FAM53B: variants seen among roughly 807,000 people sequenced by gnomAD.
The protein encoded by FAM53B is protein FAM53B.
A neutral mutation model predicts 32.7 loss-of-function variants in FAM53B; 12 were observed. That is an observed-to-expected ratio of 0.37 (90% confidence interval 0.24 to 0.59). The LOEUF (loss-of-function observed/expected upper bound fraction) is 0.59, where lower values mean the gene tolerates loss of function less well. FAM53B is among the 20% of genes least tolerant of loss of function. The probability of loss-of-function intolerance (pLI) is 0.72; values close to 1 mark genes in which losing one functional copy is unlikely to be tolerated. For missense variants in FAM53B, 477 were observed against 577.7 expected (o/e 0.83, Z 1.79); for synonymous variants, 234 against 228.7 (o/e 1.02, Z -0.21).
At chr10:124,725,926 A>G (rs546235226) in intron 1 of FAM53B, among the ~76,000 whole-genome samples, 3 of 152,262 alleles carry the variant, frequency 2.0e-5, no homozygotes, top group East Asian at 3.9e-4. Context: ...AGGCCAACCC[A>G]CATCCTTGCT....
chr10:124,734,712 A>G (rs2134103881), intron 1 of FAM53B, among the ~76,000 whole-genome samples: 1 of 152,306 alleles, frequency 6.6e-6, no homozygotes, highest in Admixed American at 6.5e-5. Flanking sequence ...TTCACACTCC[A>G]TACAAAGGGG....
chr10:124,623,809 GA>G, intron 4 of FAM53B: 2 of 558,884 alleles, frequency 3.6e-6, no homozygotes, highest in South Asian at 4.7e-5. Flanking sequence ...TGCTCATAAA[GA>G]CACGCGCAAT....
intron 1 of FAM53B, among the ~76,000 whole-genome samples, chr10:124,727,771 G>A (rs1466595265): frequency 1.3e-5 from 2 of 152,080 alleles, no homozygotes; most frequent in Non-Finnish European, 2.9e-5. Context: ...CAGAGAACAT[G>A]CCTGGCCCAC....
intron 4 of FAM53B, among the ~76,000 whole-genome samples, chr10:124,665,517 T>C (rs1949664264): frequency 6.6e-6 from 1 of 152,250 alleles, no homozygotes; most frequent in Non-Finnish European, 1.5e-5. Context: ...ACTCAAAACG[T>C]GCCCCTCGCT....
intron 4 of FAM53B, among the ~76,000 whole-genome samples, chr10:124,657,729 T>C (rs542133710): frequency 2.0e-5 from 3 of 152,382 alleles, no homozygotes; most frequent in East Asian, 1.9e-4. Flanking sequence ...TTACCATGAA[T>C]TGAGCATTTG....
At chr10:124,705,418 C>A (rs1026897324) in intron 2 of FAM53B, among the ~76,000 whole-genome samples, 1 of 152,246 alleles carries the variant, frequency 6.6e-6, no homozygotes, top group African/African-American at 2.4e-5. Context: ...TTCTTCTCAC[C>A]CTTCAAGGCC....
At chr10:124,738,296 G>C (rs112258999) in intron 1 of FAM53B, among the ~76,000 whole-genome samples, 1 of 152,044 alleles carries the variant, frequency 6.6e-6, no homozygotes, top group South Asian at 2.1e-4. Flanking sequence ...TACCAATGCT[G>C]GGTTGCTGCC....
chr10:124,696,833 T>G (rs1427022830), intron 2 of FAM53B, among the ~76,000 whole-genome samples: 1 of 152,206 alleles, frequency 6.6e-6, no homozygotes, highest in Admixed American at 6.5e-5. Context: ...ACATAACAGC[T>G]ATGGCTTTTG....
intron 1 of FAM53B, among the ~76,000 whole-genome samples, chr10:124,732,263 G>A (rs1165601523): frequency 1.3e-5 from 2 of 152,234 alleles, no homozygotes; most frequent in African/African-American, 4.8e-5. Context: ...CCAAAGCCTG[G>A]CCAGGCCAAT....
At chr10:124,648,674 C>T (rs1460881052) in intron 4 of FAM53B, among the ~76,000 whole-genome samples, 1 of 152,264 alleles carries the variant, frequency 6.6e-6, no homozygotes, top group Non-Finnish European at 1.5e-5. Flanking sequence ...TAAAGGTGCT[C>T]TTTTTTGCTT....
At chr10:124,730,850 C>CA (rs1393278584) in intron 1 of FAM53B, among the ~76,000 whole-genome samples, 1 of 152,174 alleles carries the variant, frequency 6.6e-6, no homozygotes, top group Non-Finnish European at 1.5e-5. Flanking sequence ...GAGGTCAGCA[C>CA]ATTTTTTTTT....
chr10:124,707,017 G>C (rs1949964053), intron 1 of FAM53B, 130 bp from the exon 2 acceptor site: 1 of 786,106 alleles, frequency 1.3e-6, no homozygotes, highest in African/African-American at 1.8e-5. Flanking sequence ...GATGCACTCT[G>C]GGAGAGTCAC....
intron 4 of FAM53B, among the ~76,000 whole-genome samples, chr10:124,660,468 C>T (rs1289999286): frequency 6.6e-6 from 1 of 152,242 alleles, no homozygotes; most frequent in Non-Finnish European, 1.5e-5. Context: ...GATACCAAGG[C>T]TCCAGTTAGC....
chr10:124,688,816 T>C (rs1381660334), intron 3 of FAM53B, among the ~76,000 whole-genome samples: 2 of 152,210 alleles, frequency 1.3e-5, no homozygotes, highest in Non-Finnish European at 2.9e-5. Flanking sequence ...ATTCCTACCC[T>C]TAAATTTGAA....
chr10:124,623,310 C>T lies in FAM53B; in HGVS notation c.1201G>A (p.Gly401Arg), dbSNP rs149967922. 43 of 1,612,394 alleles carry T rather than the reference C, an allele frequency of 2.7e-5. No homozygotes were observed. The highest frequency in any genetic ancestry group is 5.5e-5 in the South Asian group (5 of 91,042). ...AEPAAAWRDRGAPGNSLCSLD... is the reference protein window; with the variant it reads ...AEPAAAWRDRRAPGNSLCSLD... ...GAGCAGAGGCTGTTCCCAGGGGCCC[C>T]GCGGTCCCGCCAGGCTGCAGCCGGC... Residue 401 changes from glycine (G) to arginine (R), a missense_variant, in exon 5 of 5, where the codon GGG (glycine) becomes AGG (arginine). Gly to Arg is a moderately radical substitution (Grantham distance 125, BLOSUM62 -2). Transcript: ENST00000337318.
At chr10:124,718,933 AGC>A (rs1223066702) in intron 1 of FAM53B, among the ~76,000 whole-genome samples, 1 of 152,176 alleles carries the variant, frequency 6.6e-6, no homozygotes, top group Non-Finnish European at 1.5e-5. Context: ...CTGTGGTCCC[AGC>A]TACACAGGAG....
intron 4 of FAM53B, among the ~76,000 whole-genome samples, chr10:124,669,786 C>T (rs1334227181): frequency 3.9e-5 from 6 of 152,182 alleles, no homozygotes; most frequent in South Asian, 2.1e-4. Flanking sequence ...CGCTCTGCCA[C>T]GCAGCCAGCA....
At position 124,707,653 on chromosome 10, in the gene FAM53B, C is replaced by T. The variant is rs1247783058; in HGVS notation, c.-174-766G>A. ...ACATGTAAGGCTGAGGCAGGAGAAT[C>T]GCTTGAACCTGGGAGGCAGAGGTTG... On this transcript the variant is annotated intron_variant, in intron 1 of 4. Coordinates refer to ENST00000337318, the MANE Select transcript of FAM53B (RefSeq NM_014661.4). 2.6e-5 allele frequency among the ~76,000 whole-genome samples: 4 copies of T among 152,182 alleles called. No homozygotes were observed. In the South Asian group the frequency reaches 6.2e-4, roughly 24 times the overall value.
intron 1 of FAM53B, among the ~76,000 whole-genome samples, chr10:124,724,720 G>A (rs780344789): frequency 5.3e-5 from 8 of 152,180 alleles, no homozygotes; most frequent in Non-Finnish European, 8.8e-5. Flanking sequence ...AGCCCCAGCC[G>A]TGACCCAAGC....
Sources: allele counts gnomAD v4.1 joint callset (sites outside exome capture counted in the v4.1 genomes callset), GRCh38; gene constraint gnomAD v4.1.1; transcripts MANE v1.5; gene names NCBI Gene and HGNC (gene_info 2026-07-23, HGNC 2026-07-21).